AP1M2: variants seen among roughly 807,000 people sequenced by gnomAD.
AP1M2 encodes the protein adaptor related protein complex 1 subunit mu 2.
In AP1M2, 41 loss-of-function variants were observed where a neutral mutation model predicts 54.6. That is an observed-to-expected ratio of 0.75 (90% CI 0.59 to 0.97). AP1M2 has a LOEUF of 0.97. Ranked by LOEUF, AP1M2 falls within the 50% of genes least tolerant of loss-of-function variation. The probability of loss-of-function intolerance (pLI) is 0.00; values close to 1 mark genes in which losing one functional copy is unlikely to be tolerated. For synonymous variants in AP1M2, 219 were observed against 215.9 expected, an observed-to-expected ratio of 1.01 and a Z score of -0.13; for missense variants, 507 against 561.2, an observed-to-expected ratio of 0.90 and a Z score of 0.98.
At chr19:10,577,725 A>G (rs1322420417) in intron 8 of AP1M2, among the ~76,000 whole-genome samples, 1 of 118,822 alleles carries the variant, frequency 8.4e-6, no homozygotes, top group Non-Finnish European at 1.7e-5. Flanking sequence ...GTGAGCCACC[A>G]TGCTTGGCCT....
chr19:10,586,556 G>A (rs750681290), intron 1 of AP1M2, among the ~76,000 whole-genome samples: 9 of 150,864 alleles, frequency 6.0e-5, no homozygotes, highest in Non-Finnish European at 1.2e-4. Context: ...AACATAGCGG[G>A]ATCCCTCTAC....
intron 3 of AP1M2, among the ~76,000 whole-genome samples, 152 bp from the exon 4 acceptor site, chr19:10,582,030 C>T (rs773306315): frequency 3.3e-5 from 5 of 151,842 alleles, no homozygotes; most frequent in Admixed American, 1.3e-4. Flanking sequence ...ATAGTGAACC[C>T]CTATCTCGTT....
At chr19:10,576,258 ATTTTTTTT>A (rs34667196) in intron 9 of AP1M2, among the ~76,000 whole-genome samples, 33 of 82,554 alleles carry the variant, frequency 4.0e-4, no homozygotes, top group Middle Eastern at 9.4e-3. Flanking sequence ...TGCCCGGCTA[ATTTTTTTT>A]TTTTTTTTTT....
chr19:10,573,479 T>G (rs1438084791), intron 11 of AP1M2, among the ~76,000 whole-genome samples: 1 of 151,838 alleles, frequency 6.6e-6, no homozygotes, highest in Non-Finnish European at 1.5e-5. Flanking sequence ...AGCCCCTCAA[T>G]TCATCCCCTA....
intron 6 of AP1M2, 112 bp downstream of exon 6, chr19:10,581,152 ATG>A (rs904242502): frequency 2.8e-6 from 4 of 1,419,556 alleles, no homozygotes; most frequent in Non-Finnish European, 3.8e-6. Context: ...TGATCAGCAG[ATG>A]GTGAGCGAGC....
intron 11 of AP1M2, 141 bp downstream of exon 11, chr19:10,574,276 T>A: frequency 1.5e-6 from 1 of 663,738 alleles, no homozygotes; most frequent in East Asian, 3.2e-5. Flanking sequence ...CGCCTTGGCC[T>A]CCCAAAGTGC....
chr19:10,579,680 C>G (rs762583481), intron 7 of AP1M2, 36 bp downstream of exon 7: 3 of 1,587,958 alleles, frequency 1.9e-6, no homozygotes, highest in Non-Finnish European at 2.6e-6. Context: ...CCTACCCCAA[C>G]CTACTCCACC....
chr19:10,584,009 G>A lies in AP1M2; in HGVS notation c.104C>T (p.Pro35Leu). Reference sequence around the variant, plus strand: ...TTCCTCCTCCCGCTGTACCAGCAAAGGCATGAAGTGCTCAATCTTGCTCAT... The same window carrying A: ...TTCCTCCTCCCGCTGTACCAGCAAAAGCATGAAGTGCTCAATCTTGCTCAT... ...VAMSKIEHFM[P>L]LLVQREEEGA... The change falls in exon 2 of 12, where the codon CCT becomes CTT. Residue 35 changes from proline (P) to leucine (L), a missense_variant. Pro to Leu is a moderately conservative substitution (Grantham distance 98, BLOSUM62 -3). Coordinates refer to ENST00000250244, the MANE Select transcript of AP1M2 (RefSeq NM_005498.5). 6.2e-7 allele frequency: 1 copy of A among 1,610,074 alleles called. No individual in the cohort carries two copies. Among genetic ancestry groups the A allele is most frequent in the Non-Finnish European group, 8.5e-7 (1 of 1,178,340 alleles).
At chr19:10,585,380 G>T (rs1917626457) in intron 1 of AP1M2, among the ~76,000 whole-genome samples, 1 of 151,698 alleles carries the variant, frequency 6.6e-6, no homozygotes, top group Non-Finnish European at 1.5e-5. Context: ...GATTGTGCCT[G>T]GTAGTCAGGA....
At position 10,587,265 on chromosome 19, in the gene AP1M2, G is replaced by T; in HGVS notation, c.-34C>A. On this transcript the variant is annotated 5_prime_UTR_variant, in exon 1 of 12. Transcript: ENST00000250244. ...CCGAAGGACTTAGGAGTCGGGGAGGGAGCGCCGGGAGGCGATGGCGGCGCC... is the reference window on the plus strand; with the variant it reads ...CCGAAGGACTTAGGAGTCGGGGAGGTAGCGCCGGGAGGCGATGGCGGCGCC... 1 of 1,557,262 alleles carries T rather than the reference G, an allele frequency of 6.4e-7. No homozygotes were observed. Among genetic ancestry groups the T allele is most frequent in the South Asian group, 1.2e-5 (1 of 84,158 alleles).
chr19:10,580,047 T>TG (rs1917384503), intron 6 of AP1M2, among the ~76,000 whole-genome samples, 189 bp from the exon 7 acceptor site: 1 of 86,210 alleles, frequency 1.2e-5, no homozygotes, highest in Non-Finnish European at 2.3e-5. Context: ...TGGCTTGGTT[T>TG]TTTTTTTTTT....
At chr19:10,580,765 C>A (rs1425819056) in intron 6 of AP1M2, among the ~76,000 whole-genome samples, 6 of 151,912 alleles carry the variant, frequency 3.9e-5, no homozygotes, top group African/African-American at 1.2e-4. Flanking sequence ...GGAGTTTAGA[C>A]CAGACTGGGC....
At chr19:10,582,509 G>T (rs1231612119) in intron 3 of AP1M2, among the ~76,000 whole-genome samples, 2 of 151,876 alleles carry the variant, frequency 1.3e-5, no homozygotes, top group Non-Finnish European at 2.9e-5. Flanking sequence ...CCAACAATGG[G>T]AGGCCAAGGG....
chr19:10,579,881 G>C (rs10426276), intron 6 of AP1M2, 23 bp from the exon 7 acceptor site: 1,517,426 of 1,593,192 alleles, frequency 0.95, 722,903 homozygotes, highest in East Asian at 1. Context: ...GTGGAGAGTG[G>C]AGAGTGACCC....
Sources: gnomAD v4.1 joint callset for allele counts (sites outside exome capture counted in the v4.1 genomes callset) on GRCh38, gnomAD v4.1.1 for gene constraint, MANE v1.5 for transcripts, NCBI Gene and HGNC (gene_info 2026-07-23, HGNC 2026-07-21) for gene names.